The following ELP4 variants were observed in gnomAD, a reference collection of about 807,000 sequenced individuals.
ELP4 encodes elongator acetyltransferase complex subunit 4, also known as elongator complex protein 4.
A neutral mutation model predicts 48.9 loss-of-function variants in ELP4; 51 were observed. The observed-to-expected ratio is 1.04, with a 90% confidence interval of 0.83 to 1.32. The LOEUF is 1.32. ELP4 is among the 40% of genes most tolerant of loss of function. The pLI is 0.00. For missense variants in ELP4, 519 were observed against 514.6 expected (o/e 1.01, Z -0.08); for synonymous variants, 210 against 189.2 (o/e 1.11, Z -0.90).
chr11:31,684,823 A>C (rs1946129116), intron 9 of ELP4, among the ~76,000 whole-genome samples: 1 of 152,236 alleles, frequency 6.6e-6, no homozygotes, highest in Non-Finnish European at 1.5e-5. Flanking sequence ...CTGATATGAA[A>C]GACTGTTACA....
At chr11:31,567,531 C>T (rs1039885990) in intron 3 of ELP4, among the ~76,000 whole-genome samples, 1 of 152,042 alleles carries the variant, frequency 6.6e-6, no homozygotes, top group Non-Finnish European at 1.5e-5. Context: ...TGATATTCTC[C>T]CAGTTGTAAA....
chr11:31,573,586 G>C (rs1484980807), intron 3 of ELP4: 1 of 151,976 alleles, frequency 6.6e-6, no homozygotes, highest in East Asian at 1.9e-4. Context: ...TCTTTTCACA[G>C]ATAAAGAAAG....
chr11:31,562,645 A>G (rs1289718223), intron 3 of ELP4, among the ~76,000 whole-genome samples: 1 of 152,182 alleles, frequency 6.6e-6, no homozygotes, highest in African/African-American at 2.4e-5. Flanking sequence ...TTGTAATAGC[A>G]GTGATATTGC....
At chr11:31,622,048 C>T (rs914460327) in intron 5 of ELP4, among the ~76,000 whole-genome samples, 1 of 151,744 alleles carries the variant, frequency 6.6e-6, no homozygotes, top group Non-Finnish European at 1.5e-5. Context: ...TTCTATTCAT[C>T]GAATGTGGTG....
chr11:31,725,070 A>G (rs1490817946), intron 9 of ELP4, among the ~76,000 whole-genome samples: 1 of 152,122 alleles, frequency 6.6e-6, no homozygotes, highest in Non-Finnish European at 1.5e-5. Context: ...GGGAATAGGC[A>G]TATGTTTCTT....
chr11:31,708,508 A>C (rs1271547510), intron 9 of ELP4, among the ~76,000 whole-genome samples: 1 of 152,116 alleles, frequency 6.6e-6, no homozygotes, highest in Non-Finnish European at 1.5e-5. Flanking sequence ...CTTTTTTTTA[A>C]AGGATCTTTT....
chr11:31,519,021 T>C (rs537930774), intron 1 of ELP4, among the ~76,000 whole-genome samples: 38 of 152,014 alleles, frequency 2.5e-4, no homozygotes, highest in Admixed American at 2.5e-3. Flanking sequence ...CACCATGTTG[T>C]CCAGGCTGGT....
chr11:31,768,771 A>G (rs769442183), intron 9 of ELP4, among the ~76,000 whole-genome samples: 5 of 152,220 alleles, frequency 3.3e-5, no homozygotes, highest in African/African-American at 4.8e-5. Context: ...CAAGCTTTAC[A>G]AATGTGTTAA....
At chr11:31,517,528 G>A (rs1234592989) in intron 1 of ELP4, among the ~76,000 whole-genome samples, 1 of 151,942 alleles carries the variant, frequency 6.6e-6, no homozygotes, top group East Asian at 1.9e-4. Flanking sequence ...ACTTTTTTGT[G>A]GAAAGTTCTT....
intron 9 of ELP4, chr11:31,653,387 A>C (rs1340856809): frequency 6.6e-6 from 1 of 151,794 alleles, no homozygotes; most frequent in African/African-American, 2.4e-5. Flanking sequence ...TATACTACTT[A>C]TTCCTTGATC....
At chr11:31,566,187 G>A (rs929025064) in intron 3 of ELP4, among the ~76,000 whole-genome samples, 5 of 151,892 alleles carry the variant, frequency 3.3e-5, no homozygotes, top group Non-Finnish European at 7.4e-5. Context: ...GTGAAACCTC[G>A]ACTCTACTAA....
intron 9 of ELP4, among the ~76,000 whole-genome samples, chr11:31,744,336 C>CT (rs1191477600): frequency 1.3e-5 from 2 of 152,282 alleles, no homozygotes; most frequent in East Asian, 3.9e-4. Flanking sequence ...GGTACTATTC[C>CT]TTCTGAAACT....
intron 3 of ELP4, among the ~76,000 whole-genome samples, chr11:31,559,634 C>T (rs1038896617): frequency 7.2e-5 from 11 of 152,052 alleles, no homozygotes; most frequent in Admixed American, 4.6e-4. Context: ...CCGGGAGCGG[C>T]GGCTCACCCC....
intron 1 of ELP4, among the ~76,000 whole-genome samples, chr11:31,514,436 G>T (rs1259122306): frequency 6.6e-6 from 1 of 152,160 alleles, no homozygotes; most frequent in African/African-American, 2.4e-5. Flanking sequence ...TCCAGCCTGG[G>T]TGACAGTGAG....
chr11:31,566,653 C>T (rs754431699), intron 3 of ELP4, among the ~76,000 whole-genome samples: 5 of 152,134 alleles, frequency 3.3e-5, no homozygotes, highest in Non-Finnish European at 5.9e-5. Flanking sequence ...AGGGCATTTG[C>T]ATCTGCTTAC....
chr11:31,523,558 C>T (rs1956249904), intron 2 of ELP4, among the ~76,000 whole-genome samples: 1 of 152,054 alleles, frequency 6.6e-6, no homozygotes, highest in African/African-American at 2.4e-5. Flanking sequence ...CTAATGAGCA[C>T]TGCCAGAAAA....
intron 9 of ELP4, among the ~76,000 whole-genome samples, chr11:31,757,321 G>A (rs1210707270): frequency 1.3e-5 from 2 of 151,982 alleles, no homozygotes; most frequent in Non-Finnish European, 2.9e-5. Context: ...TAGTGGAAGG[G>A]GAAAGATCCC....
intron 9 of ELP4, among the ~76,000 whole-genome samples, chr11:31,716,439 A>C (rs1946843593): frequency 6.6e-6 from 1 of 152,180 alleles, no homozygotes; most frequent in Admixed American, 6.5e-5. Context: ...CAGTTTTCTC[A>C]TTTGTAAAAT....
intron 7 of ELP4, among the ~76,000 whole-genome samples, chr11:31,643,454 T>C (rs1479453510): frequency 6.6e-6 from 1 of 151,896 alleles, no homozygotes; most frequent in Non-Finnish European, 1.5e-5. Context: ...TTTCTGGAAA[T>C]ATATTTTGTG....
Sources: gnomAD v4.1 joint callset for allele counts (sites outside exome capture counted in the v4.1 genomes callset) on GRCh38, gnomAD v4.1.1 for gene constraint, MANE v1.5 for transcripts, NCBI Gene and HGNC (gene_info 2026-07-23, HGNC 2026-07-21) for gene names.